Variants in IGBP1 observed in about 807,000 individuals in gnomAD.
IGBP1 encodes immunoglobulin-binding protein 1.
A neutral mutation model predicts 25.9 loss-of-function variants in IGBP1; 2 were observed. The ratio of observed to expected loss-of-function variants is 0.08; its 90% CI spans 0.03 to 0.24. The LOEUF is 0.24. IGBP1 is among the 10% of genes least tolerant of loss of function. The probability of loss-of-function intolerance (pLI) is 1.00; values close to 1 mark genes in which losing one functional copy is unlikely to be tolerated. For missense variants in IGBP1, 187 were observed against 260.4 expected (o/e 0.72, Z 1.94); for synonymous variants, 96 against 93.4 (o/e 1.03, Z -0.16).
chrX:70,141,482 C>G (rs2085129797), intron 3 of IGBP1, among the ~76,000 whole-genome samples: 1 of 111,930 alleles, frequency 8.9e-6, no homozygotes, highest in Non-Finnish European at 1.9e-5. Flanking sequence ...GTTCATGTTA[C>G]TTATCACAGT....
rs2085195477 is a variant in IGBP1 at position 70,150,376 on chromosome X, A to G, written c.871+54A>G. 1.3e-5 allele frequency: 10 copies of G among 745,198 alleles called. 1 individual carries two copies. Among genetic ancestry groups the G allele is most frequent in the Non-Finnish European group, 2.1e-5 (10 of 473,383 alleles). The allele number at this position is 745,198 out of a possible 1,213,427, so 61.4% of individuals were successfully genotyped here. ...TACCACTGGTCTTTTACTCCCTGGC[A>G]ATTAAGTTCTTACCAAGTATAGTTG... is the stretch of plus-strand genomic sequence containing the variant. On this transcript the variant is annotated intron_variant, in intron 6 of 6. Transcript: ENST00000356413.
intron 6 of IGBP1, among the ~76,000 whole-genome samples, chrX:70,151,597 G>A (rs1359025602): frequency 8.9e-6 from 1 of 111,936 alleles, no homozygotes; most frequent in Non-Finnish European, 1.9e-5. Context: ...AATAAGATGC[G>A]CTAGGCACAG....
At chrX:70,154,518 T>G in intron 6 of IGBP1, among the ~76,000 whole-genome samples, 1 of 106,836 alleles carries the variant, frequency 9.4e-6, no homozygotes, top group African/African-American at 3.4e-5. Flanking sequence ...AAGACTTATC[T>G]GATGAAGGAC....
At chrX:70,148,475 CCTT>C (rs768807971) in intron 4 of IGBP1, 1 of 302,791 alleles carries the variant, frequency 3.3e-6, no homozygotes, top group East Asian at 7.0e-5. Context: ...TTTGGAATCT[CCTT>C]CTTTGGACAG....
chrX:70,150,652 A>G (rs2085197241), intron 6 of IGBP1, among the ~76,000 whole-genome samples: 1 of 111,988 alleles, frequency 8.9e-6, no homozygotes, highest in Non-Finnish European at 1.9e-5. Flanking sequence ...ATACAGGATA[A>G]CAATTACAAA....
In IGBP1 at chrX:70,140,406, T is replaced by C. The variant is rs1034810194; in HGVS notation, c.482+5590T>C. On this transcript the variant is annotated intron_variant, in intron 3 of 6. Coordinates refer to ENST00000356413, the MANE Select transcript of IGBP1 (RefSeq NM_001551.3). ...AGAGGAGTATGGTTGCAGCTCTGCA[T>C]GAAGAAGTGATGTGTATATAAAATA... is the stretch of plus-strand genomic sequence containing the variant. Among the ~76,000 whole-genome samples the C allele has an allele frequency of 8.0e-5, 9 of 112,023 alleles. 1 individual carries two copies. The highest frequency in any genetic ancestry group is 1.7e-4 in the Non-Finnish European group (9 of 53,244).
At chrX:70,153,912 C>T (rs897104888) in intron 6 of IGBP1, among the ~76,000 whole-genome samples, 1 of 111,531 alleles carries the variant, frequency 9.0e-6, no homozygotes, top group Admixed American at 9.6e-5. Flanking sequence ...TCTTTTATAA[C>T]CTAATGTTGG....
chrX:70,153,987 T>A (rs888133662), intron 6 of IGBP1, among the ~76,000 whole-genome samples: 5 of 110,591 alleles, frequency 4.5e-5, no homozygotes, highest in East Asian at 5.7e-4. Context: ...GAGAGGAGAC[T>A]CCATAAAAGC....
intron 4 of IGBP1, among the ~76,000 whole-genome samples, chrX:70,147,268 C>T (rs1471313267): frequency 9.0e-6 from 1 of 110,961 alleles, no homozygotes; most frequent in African/African-American, 3.3e-5. Flanking sequence ...ACCCCCTCTA[C>T]TAAAAATAGC....
At chrX:70,160,184 C>G (rs2085263708) in intron 6 of IGBP1, among the ~76,000 whole-genome samples, 1 of 111,384 alleles carries the variant, frequency 9.0e-6, no homozygotes, top group Admixed American at 9.5e-5. Flanking sequence ...GGCACCAGGC[C>G]CAGCTTCTCC....
intron 3 of IGBP1, among the ~76,000 whole-genome samples, chrX:70,140,732 G>A (rs1051374360): frequency 5.4e-5 from 6 of 111,656 alleles, no homozygotes; most frequent in African/African-American, 2.0e-4. Flanking sequence ...GTATGAGTCT[G>A]CTTGAGTAAC....
rs192206463 is a variant in IGBP1, at chrX:70,137,976, A to G, written c.482+3160A>G. Among the ~76,000 whole-genome samples the G allele has an allele frequency of 5.6e-5, 6 of 107,398 alleles. No individual in the cohort carries two copies. The East Asian group carries it at 1.5e-3, about 26-fold the overall frequency. The allele number at this position is 107,398 out of a possible 115,157, so 93.3% of individuals were successfully genotyped here. On this transcript the variant is annotated intron_variant, in intron 3 of 6. Transcript: ENST00000356413. ...GGCAAAACGCCATCTCTGCAAAAAA[A>G]AAAAAAAAAATTATCCGGGGGTGGT...
intron 3 of IGBP1, among the ~76,000 whole-genome samples, chrX:70,141,261 C>T (rs972874749): frequency 9.1e-6 from 1 of 109,752 alleles, no homozygotes; most frequent in Non-Finnish European, 1.9e-5. Context: ...GCAGGAGAAT[C>T]GCTTGAACCC....
At chrX:70,148,665 A>G in intron 4 of IGBP1, 96 bp from the exon 5 acceptor site, 1 of 584,355 alleles carries the variant, frequency 1.7e-6, no homozygotes, top group South Asian at 2.4e-5. Context: ...GTGAATTTTG[A>G]ATCCAGAGCT....
chrX:70,161,298 G>A (rs757728380), intron 6 of IGBP1, among the ~76,000 whole-genome samples: 3 of 111,717 alleles, frequency 2.7e-5, no homozygotes, highest in East Asian at 2.8e-4. Flanking sequence ...GGGTCATATC[G>A]AGCCAATTTA....
intron 3 of IGBP1, among the ~76,000 whole-genome samples, chrX:70,141,927 G>T (rs1461133974): frequency 1.8e-5 from 2 of 110,754 alleles, no homozygotes; most frequent in Non-Finnish European, 3.8e-5. Context: ...AAGGGGGGGG[G>T]CTCTGAGAAT....
In IGBP1 at chrX:70,139,647, C is replaced by G. The variant is rs775303031; in HGVS notation, c.482+4831C>G. Among the ~76,000 whole-genome samples, 9 of 111,754 alleles carry G rather than the reference C, an allele frequency of 8.1e-5. No individual in the cohort carries two copies. In the East Asian group the frequency reaches 2.3e-3, roughly 28 times the overall value. ...CCACCATTGACTTAGGTTTTTAAACCAGAAACCTAGGATTTAGCTTCAATT... is the reference window on the plus strand; with the variant it reads ...CCACCATTGACTTAGGTTTTTAAACGAGAAACCTAGGATTTAGCTTCAATT... On this transcript the variant is annotated intron_variant, in intron 3 of 6. Coordinates refer to ENST00000356413, the MANE Select transcript of IGBP1 (RefSeq NM_001551.3).
chrX:70,138,480 CAAAAAAAA>C (rs35566042), intron 3 of IGBP1, among the ~76,000 whole-genome samples: 1 of 54,496 alleles, frequency 1.8e-5, no homozygotes, highest in Non-Finnish European at 3.1e-5. Flanking sequence ...GACCCTGTCT[CAAAAAAAA>C]AAAAAAAAAA....
Position 70,134,506 on chromosome X carries a change from C to G in IGBP1, c.189-17C>G, listed in dbSNP as rs1345684595. 1 of 1,207,937 alleles carries G rather than the reference C, an allele frequency of 8.3e-7. No homozygotes were observed. Among genetic ancestry groups the G allele is most frequent in the Non-Finnish European group, 1.1e-6 (1 of 893,482 alleles). Reference sequence around the variant, plus strand: ...AATGCCTAGTCAGGCTTCACTGCCTCCTTTTTGCTCTTCCAGCCGAAATGA... The same window carrying G: ...AATGCCTAGTCAGGCTTCACTGCCTGCTTTTTGCTCTTCCAGCCGAAATGA... On this transcript the variant is annotated splice_polypyrimidine_tract_variant and intron_variant, in intron 2 of 6. Transcript: ENST00000356413.
Sources: allele counts gnomAD v4.1 joint callset (sites outside exome capture counted in the v4.1 genomes callset), GRCh38; gene constraint gnomAD v4.1.1; transcripts MANE v1.5; gene names NCBI Gene and HGNC (gene_info 2026-07-23, HGNC 2026-07-21).